ZNF609: variants seen among roughly 807,000 people sequenced by gnomAD.
ZNF609 encodes zinc finger protein 609.
A neutral mutation model predicts 109.5 loss-of-function variants in ZNF609; 11 were observed. The ratio of observed to expected loss-of-function variants is 0.10; its 90% CI spans 0.06 to 0.17. ZNF609 has a LOEUF of 0.17. ZNF609 is among the 10% of genes least tolerant of loss of function. The probability of loss-of-function intolerance (pLI) is 1.00; values close to 1 mark genes in which losing one functional copy is unlikely to be tolerated. For missense variants in ZNF609, 1,559 were observed against 1,772.4 expected (o/e 0.88, Z 2.16); for synonymous variants, 646 against 662.0 (o/e 0.98, Z 0.37).
chr15:64,565,137 G>A (rs1037098758), intron 2 of ZNF609, among the ~76,000 whole-genome samples: 4 of 147,104 alleles, frequency 2.7e-5, no homozygotes, highest in Non-Finnish European at 4.4e-5. Context: ...TCTGTTTACT[G>A]CAACCTCTGC....
At chr15:64,532,903 T>C (rs1254129206) in intron 2 of ZNF609, among the ~76,000 whole-genome samples, 1 of 152,204 alleles carries the variant, frequency 6.6e-6, no homozygotes, top group African/African-American at 2.4e-5. Context: ...CTCCTTATTT[T>C]AGGTACGGTA....
chr15:64,512,672 T>C (rs911390814), intron 2 of ZNF609, among the ~76,000 whole-genome samples: 2 of 152,132 alleles, frequency 1.3e-5, no homozygotes, highest in African/African-American at 2.4e-5. Context: ...TTAAAATAAA[T>C]ACAATTTATT....
chr15:64,464,982 G>T (rs1892991358), intron 1 of ZNF609, among the ~76,000 whole-genome samples: 1 of 152,284 alleles, frequency 6.6e-6, no homozygotes, highest in Middle Eastern at 3.4e-3. Context: ...GATGGTAATA[G>T]AATAGAGAAA....
chr15:64,676,362 C>T, intron 5 of ZNF609, 106 bp downstream of exon 5: 1 of 984,962 alleles, frequency 1.0e-6, no homozygotes, highest in Non-Finnish European at 1.5e-6. Flanking sequence ...TTGAGATTAG[C>T]AGGAGAGATG....
At chr15:64,590,798 C>T (rs1595730322) in intron 2 of ZNF609, among the ~76,000 whole-genome samples, 1 of 151,764 alleles carries the variant, frequency 6.6e-6, no homozygotes, top group East Asian at 1.9e-4. Context: ...TGTCAGTTTA[C>T]AAGGTAATGG....
rs993885954 is a variant in ZNF609 at position 64,683,198 on chromosome 15, C to G, written c.*1512C>G. 6 of 152,518 alleles carry G rather than the reference C, an allele frequency of 3.9e-5. No homozygotes were observed. The highest frequency in any genetic ancestry group is 1.4e-4 in the African/African-American group (6 of 41,396). The allele number at this position is 152,518 out of a possible 1,614,324, so 9.4% of individuals were successfully genotyped here. On this transcript the variant is annotated 3_prime_UTR_variant, in exon 10 of 10. Transcript: ENST00000326648. The stretch of plus-strand genomic sequence containing the variant: ...TCCCCTCCTATCTTTCCATGACCCT[C>G]TGGATTGAGAGAGAGAGATAAAGAC...
chr15:64,634,622 T>C (rs1260801379), intron 3 of ZNF609, among the ~76,000 whole-genome samples: 3 of 152,224 alleles, frequency 2.0e-5, no homozygotes, highest in African/African-American at 7.2e-5. Flanking sequence ...CTATAATTAA[T>C]GCCCCTTCAC....
At chr15:64,542,694 C>G (rs918676764) in intron 2 of ZNF609, among the ~76,000 whole-genome samples, 2 of 152,190 alleles carry the variant, frequency 1.3e-5, no homozygotes, top group Admixed American at 1.3e-4. Flanking sequence ...CTCTCCTTTT[C>G]ACTTATTCAG....
intron 2 of ZNF609, among the ~76,000 whole-genome samples, chr15:64,541,436 A>C (rs571943090): frequency 2.1e-4 from 32 of 151,452 alleles, no homozygotes; most frequent in Non-Finnish European, 3.5e-4. Flanking sequence ...CAAAAAAAAA[A>C]AAAAAAAAAG....
chr15:64,551,253 G>A (rs1894466071), intron 2 of ZNF609, among the ~76,000 whole-genome samples: 1 of 151,028 alleles, frequency 6.6e-6, no homozygotes, highest in Admixed American at 6.6e-5. Context: ...ATGGTATAAG[G>A]TAAGGGTCCA....
At chr15:64,519,517 T>A (rs1459798359) in intron 2 of ZNF609, among the ~76,000 whole-genome samples, 1 of 152,190 alleles carries the variant, frequency 6.6e-6, no homozygotes, top group African/African-American at 2.4e-5. Context: ...ACAAACATTT[T>A]AAAATCCACT....
intron 2 of ZNF609, chr15:64,592,875 T>A (rs1012404889): frequency 3.2e-6 from 2 of 631,948 alleles, no homozygotes; most frequent in East Asian, 5.6e-5. Context: ...ATCGCGCCAC[T>A]GCACCCCAGC....
intron 2 of ZNF609, among the ~76,000 whole-genome samples, chr15:64,585,821 AT>A (rs1244483018): frequency 6.6e-6 from 1 of 152,136 alleles, no homozygotes; most frequent in Non-Finnish European, 1.5e-5. Flanking sequence ...GGATTCTGAA[AT>A]ATATTTTTTA....
At chr15:64,594,754 C>T (rs546466588) in intron 2 of ZNF609, among the ~76,000 whole-genome samples, 64 of 151,524 alleles carry the variant, frequency 4.2e-4, no homozygotes, top group Admixed American at 1.1e-3. Context: ...CGGCCGGGCG[C>T]GGTGGCTCAC....
At chr15:64,493,428 G>C (rs879685707) in intron 1 of ZNF609, among the ~76,000 whole-genome samples, 7 of 152,112 alleles carry the variant, frequency 4.6e-5, no homozygotes, top group Non-Finnish European at 1.0e-4. Flanking sequence ...CAAGCCTGTG[G>C]GCTGGGAGTC....
intron 2 of ZNF609, among the ~76,000 whole-genome samples, chr15:64,580,610 G>A (rs1455523289): frequency 6.6e-6 from 1 of 150,754 alleles, no homozygotes; most frequent in East Asian, 2.0e-4. Flanking sequence ...GAGTGTAGTG[G>A]TGCAGTCTGC....
intron 2 of ZNF609, among the ~76,000 whole-genome samples, chr15:64,591,534 C>T (rs1190216601): frequency 2.6e-5 from 4 of 152,038 alleles, no homozygotes; most frequent in Admixed American, 1.3e-4. Flanking sequence ...TACCCTTTTA[C>T]TTGCTTATAT....
At chr15:64,544,529 C>G (rs1177142652) in intron 2 of ZNF609, among the ~76,000 whole-genome samples, 1 of 152,196 alleles carries the variant, frequency 6.6e-6, no homozygotes, top group Non-Finnish European at 1.5e-5. Flanking sequence ...CTCACAGTGT[C>G]AACCAGACAA....
chr15:64,544,641 G>A (rs963032335), intron 2 of ZNF609, among the ~76,000 whole-genome samples: 1 of 152,184 alleles, frequency 6.6e-6, no homozygotes, highest in Non-Finnish European at 1.5e-5. Flanking sequence ...TTCTCCTACA[G>A]CCTTATCTGA....
Sources: gnomAD v4.1 joint callset for allele counts (sites outside exome capture counted in the v4.1 genomes callset) on GRCh38, gnomAD v4.1.1 for gene constraint, MANE v1.5 for transcripts, NCBI Gene and HGNC (gene_info 2026-07-23, HGNC 2026-07-21) for gene names.